FERMT1: variants seen among roughly 807,000 people sequenced by gnomAD.
The protein encoded by FERMT1 is fermitin family homolog 1.
FERMT1 carries 60 observed loss-of-function variants against 85.3 expected under a neutral mutation model. The ratio of observed to expected loss-of-function variants is 0.70; its 90% CI spans 0.57 to 0.87. The LOEUF (loss-of-function observed/expected upper bound fraction) is 0.87, where lower values mean the gene tolerates loss of function less well. Among genes scored for constraint, FERMT1 ranks in the 40% least tolerant of loss-of-function variants. The pLI, the probability that FERMT1 is intolerant of heterozygous loss-of-function variation, is 0.00. For missense variants in FERMT1, 701 were observed against 818.9 expected (o/e 0.86, Z 1.76); for synonymous variants, 275 against 301.1 (o/e 0.91, Z 0.90).
chr20:6,099,935 G>A (rs1480488827), intron 6 of FERMT1, among the ~76,000 whole-genome samples: 1 of 151,256 alleles, frequency 6.6e-6, no homozygotes, highest in Non-Finnish European at 1.5e-5. Flanking sequence ...GGAGTTTGAG[G>A]CTACAGGGAG....
At chr20:6,120,585 T>C (rs1983246764) in intron 1 of FERMT1, 1 of 152,280 alleles carries the variant, frequency 6.6e-6, no homozygotes, top group Non-Finnish European at 1.5e-5. Context: ...CTACTGCTCC[T>C]GGCTGTTTTA....
chr20:6,079,680 A>T (rs1981940183), intron 13 of FERMT1, 103 bp from the exon 14 acceptor site: 2 of 1,105,530 alleles, frequency 1.8e-6, no homozygotes, highest in Admixed American at 2.0e-5. Context: ...TTTCTGAATC[A>T]TTTCAGAGGA....
At chr20:6,111,207 G>A (rs1197960835) in intron 4 of FERMT1, among the ~76,000 whole-genome samples, 1 of 152,202 alleles carries the variant, frequency 6.6e-6, no homozygotes, top group Non-Finnish European at 1.5e-5. Flanking sequence ...TACCCAATAT[G>A]TTTCAGGTAG....
chr20:6,103,291 T>G (rs894848938), intron 6 of FERMT1, among the ~76,000 whole-genome samples: 2 of 152,218 alleles, frequency 1.3e-5, no homozygotes, highest in Non-Finnish European at 2.9e-5. Flanking sequence ...CAATATGGTA[T>G]GAATGTATCA....
rs886343507 is a variant in FERMT1 at position 6,075,050 on chromosome 20, T to G, written c.*2123A>C. On this transcript the variant is annotated 3_prime_UTR_variant, in exon 15 of 15. Coordinates refer to ENST00000217289, the MANE Select transcript of FERMT1 (RefSeq NM_017671.5). ...TTTGGAACAGTAGCATTTAGGTTTG[T>G]TTTTTTTTTTTTTTGTCACACTTGT... 1.1e-5 allele frequency: 1 copy of G among 87,192 alleles called. No individual in the cohort carries two copies. Among genetic ancestry groups the G allele is most frequent in the African/African-American group, 4.5e-5 (1 of 22,022 alleles). 5.4% of individuals were successfully genotyped at this position (87,192 alleles called of 1,614,324 possible).
chr20:6,100,382 G>C (rs114601953), intron 6 of FERMT1, among the ~76,000 whole-genome samples: 1 of 152,154 alleles, frequency 6.6e-6, no homozygotes, highest in African/African-American at 2.4e-5. Context: ...CTTATAGGAA[G>C]TTTCCAGAAT....
intron 6 of FERMT1, among the ~76,000 whole-genome samples, chr20:6,098,069 C>A (rs1332791818): frequency 6.6e-6 from 1 of 152,114 alleles, no homozygotes; most frequent in Non-Finnish European, 1.5e-5. Flanking sequence ...CCATCTCAGC[C>A]CCACAAAGTG....
chr20:6,082,807 C>T (rs1457934103), intron 13 of FERMT1, among the ~76,000 whole-genome samples: 1 of 152,118 alleles, frequency 6.6e-6, no homozygotes, highest in Admixed American at 6.5e-5. Flanking sequence ...AGCTGCACAC[C>T]ACCACGCCCA....
intron 2 of FERMT1, among the ~76,000 whole-genome samples, chr20:6,119,183 G>A (rs1186446697): frequency 6.6e-6 from 1 of 152,184 alleles, no homozygotes; most frequent in African/African-American, 2.4e-5. Flanking sequence ...CCTGACCTCA[G>A]GTGATCCGCA....
intron 14 of FERMT1, among the ~76,000 whole-genome samples, chr20:6,078,953 T>C (rs1600422523): frequency 6.6e-6 from 1 of 152,324 alleles, no homozygotes; most frequent in East Asian, 1.9e-4. Flanking sequence ...GACCTCACTT[T>C]CTTCTTCAGC....
chr20:6,113,177 C>G (rs770889905), intron 3 of FERMT1, among the ~76,000 whole-genome samples: 1 of 152,108 alleles, frequency 6.6e-6, no homozygotes, highest in African/African-American at 2.4e-5. Flanking sequence ...GGTGTTTCCC[C>G]GCACAAGCTC....
chr20:6,099,811 CATG>C (rs1193225794), intron 6 of FERMT1, among the ~76,000 whole-genome samples: 1 of 131,028 alleles, frequency 7.6e-6, no homozygotes, highest in Non-Finnish European at 1.6e-5. Context: ...CCCTAGGCAA[CATG>C]ATGAGTCACT....
At chr20:6,084,868 T>G (rs568672160) in intron 12 of FERMT1, among the ~76,000 whole-genome samples, 198 bp downstream of exon 12, 2 of 152,050 alleles carry the variant, frequency 1.3e-5, no homozygotes, top group Non-Finnish European at 2.9e-5. Flanking sequence ...TGATTTTGTA[T>G]TTTTAGTATA....
chr20:6,078,992 C>T (rs1386933022), intron 14 of FERMT1, among the ~76,000 whole-genome samples: 1 of 152,182 alleles, frequency 6.6e-6, no homozygotes, highest in East Asian at 1.9e-4. Context: ...CTGGAATGCT[C>T]TCCAGGTGAG....
At chr20:6,077,422 C>G (rs1981859641) in intron 14 of FERMT1, 76 bp from the exon 15 acceptor site, 2 of 1,486,966 alleles carry the variant, frequency 1.3e-6, no homozygotes, top group East Asian at 4.6e-5. Context: ...CTGGACTGGC[C>G]CCTGGAGCTG....
intron 6 of FERMT1, among the ~76,000 whole-genome samples, chr20:6,101,286 C>T (rs564885384): frequency 1.3e-4 from 20 of 152,258 alleles, no homozygotes; most frequent in South Asian, 4.1e-4. Flanking sequence ...CAAGCACTTG[C>T]GAGATACTTT....
rs145821170 is a variant in FERMT1, at chr20:6,121,649, G to T, written c.-19+1125C>A. On this transcript the variant is annotated intron_variant, in intron 1 of 14. Transcript: ENST00000217289. The stretch of plus-strand genomic sequence containing the variant: ...CTGTTATCCCTTTTTCATCCTCTCA[G>T]CAATCTCATTTAGAAATGAGGAAAC... Among the ~76,000 whole-genome samples the T allele has an allele frequency of 1.5e-3, 228 of 152,268 alleles. 1 individual carries two copies. Among genetic ancestry groups the T allele is most frequent in the African/African-American group, 5.2e-3 (217 of 41,542 alleles).
intron 1 of FERMT1, 61 bp from the exon 2 acceptor site, chr20:6,119,633 G>A (rs576596293): frequency 2.1e-6 from 3 of 1,403,922 alleles, no homozygotes; most frequent in South Asian, 1.2e-5. Flanking sequence ...CTTGTCAGTA[G>A]ACTTGCAGAG....
chr20:6,115,297 A>G (rs567945936), intron 3 of FERMT1, among the ~76,000 whole-genome samples: 1 of 152,348 alleles, frequency 6.6e-6, no homozygotes, highest in Admixed American at 6.5e-5. Context: ...TACCAAATCT[A>G]TAAATAATTA....
Sources: allele counts gnomAD v4.1 joint callset (sites outside exome capture counted in the v4.1 genomes callset), GRCh38; gene constraint gnomAD v4.1.1; transcripts MANE v1.5; gene names NCBI Gene and HGNC (gene_info 2026-07-23, HGNC 2026-07-21).